The following EEF2K variants were observed in gnomAD, a reference collection of about 807,000 sequenced individuals.
EEF2K encodes the protein eukaryotic elongation factor 2 kinase.
A neutral mutation model predicts 93.8 loss-of-function variants in EEF2K; 70 were observed. That is an observed-to-expected ratio of 0.75 (90% CI 0.62 to 0.91). The LOEUF (loss-of-function observed/expected upper bound fraction) is 0.91, where lower values mean the gene tolerates loss of function less well. Ranked by LOEUF, EEF2K falls within the 40% of genes least tolerant of loss-of-function variation. The pLI, the probability that EEF2K is intolerant of heterozygous loss-of-function variation, is 0.00. For synonymous variants in EEF2K, 376 were observed against 380.8 expected (o/e 0.99, Z 0.15); for missense variants, 935 against 972.9 (o/e 0.96, Z 0.52).
chr16:22,221,843 G>A (rs529128871), intron 1 of EEF2K, among the ~76,000 whole-genome samples: 1 of 152,304 alleles, frequency 6.6e-6, no homozygotes, highest in East Asian at 1.9e-4. Context: ...GCCAAGACGG[G>A]CAGATCACTT....
At chr16:22,249,799 G>A (rs754416388) in intron 4 of EEF2K, among the ~76,000 whole-genome samples, 2 of 150,852 alleles carry the variant, frequency 1.3e-5, no homozygotes, top group Non-Finnish European at 3.0e-5. Flanking sequence ...TTTTTTTTTG[G>A]AGATAGAGTT....
At chr16:22,243,758 C>T (rs570089933) in intron 2 of EEF2K, among the ~76,000 whole-genome samples, 2 of 149,548 alleles carry the variant, frequency 1.3e-5, no homozygotes, top group East Asian at 4.0e-4. Flanking sequence ...CCCGTCTCTA[C>T]CAAAAAGTAC....
intron 6 of EEF2K, among the ~76,000 whole-genome samples, chr16:22,253,906 C>A (rs1260200118): frequency 1.3e-5 from 2 of 152,010 alleles, no homozygotes; most frequent in East Asian, 3.9e-4. Flanking sequence ...CGAGACCAGC[C>A]TGGCCAACAT....
chr16:22,211,027 C>G (rs748645639), intron 1 of EEF2K, among the ~76,000 whole-genome samples: 1 of 152,138 alleles, frequency 6.6e-6, no homozygotes, highest in Non-Finnish European at 1.5e-5. Flanking sequence ...TTTCATTGGC[C>G]AGAATGCAGT....
Position 22,260,492 on chromosome 16 carries a change from T to C in EEF2K, c.1262T>C (p.Met421Thr), listed in dbSNP as rs1033326377. The change falls in exon 11 of 18, where the codon ATG becomes ACG. Residue 421 changes from methionine (M) to threonine (T), a missense_variant. By Grantham distance (81) the Met-to-Thr change is moderately conservative. Coordinates refer to ENST00000263026, the MANE Select transcript of EEF2K (RefSeq NM_013302.5). ...HWPVFSDLDN[M>T]ASRDHDHLDN... is the part of the protein sequence containing the mutation. ...CCAGTGTTCAGTGACCTCGATAACA[T>C]GGCATCCAGAGACCATGATCATCTA... The C allele has an allele frequency of 6.2e-7, 1 of 1,614,102 alleles. No homozygotes were observed. Among genetic ancestry groups the C allele is most frequent in the African/African-American group, 1.3e-5 (1 of 75,020 alleles).
intron 1 of EEF2K, among the ~76,000 whole-genome samples, chr16:22,210,699 G>C (rs1279865200): frequency 2.0e-5 from 3 of 152,112 alleles, no homozygotes; most frequent in Non-Finnish European, 4.4e-5. Context: ...TAACTCCTGG[G>C]GTTCAGGGGA....
At chr16:22,278,674 CCTT>C (rs1409831252) in intron 16 of EEF2K, among the ~76,000 whole-genome samples, 1 of 152,162 alleles carries the variant, frequency 6.6e-6, no homozygotes, top group Non-Finnish European at 1.5e-5. Context: ...GACCCACAGG[CCTT>C]CTTACCTGTG....
intron 11 of EEF2K, among the ~76,000 whole-genome samples, 164 bp from the exon 12 acceptor site, chr16:22,262,946 G>C (rs1433172667): frequency 6.6e-6 from 1 of 152,134 alleles, no homozygotes; most frequent in African/African-American, 2.4e-5. Context: ...CAAAGTGCTG[G>C]GATTACAGGC....
Position 22,217,228 on chromosome 16 carries a change from T to TAGAGAGAGAG in EEF2K, c.-76-8414_-76-8405dup, listed in dbSNP as rs146522060. Among the ~76,000 whole-genome samples the TAGAGAGAGAG allele has an allele frequency of 4.4e-5, 6 of 136,072 alleles. No homozygotes were observed. In the East Asian group the frequency reaches 6.5e-4, roughly 15 times the overall value. The allele number at this position is 136,072 out of a possible 152,430, so 89.3% of individuals were successfully genotyped here. On this transcript the variant is annotated intron_variant, in intron 1 of 17. Coordinates refer to ENST00000263026, the MANE Select transcript of EEF2K (RefSeq NM_013302.5). Reference sequence around the variant, plus strand: ...TTAGTGATATATATAGATAGATAGATAGAGAGAGAGAGAGAGAGAGATGCG... The same window carrying TAGAGAGAGAG: ...TTAGTGATATATATAGATAGATAGATAGAGAGAGAGAGAGAGAGAGAGAGAGAGAGATGCG...
chr16:22,220,443 C>CT (rs10635872), intron 1 of EEF2K, among the ~76,000 whole-genome samples: 14,079 of 149,722 alleles, frequency 0.094, 902 homozygotes, highest in East Asian at 0.29. Flanking sequence ...TCTGAGCGTG[C>CT]TTTTTTTTTT....
At chr16:22,251,466 G>C in intron 6 of EEF2K, 144 bp downstream of exon 6, 1 of 1,138,994 alleles carries the variant, frequency 8.8e-7, no homozygotes, top group Non-Finnish European at 1.2e-6. Context: ...CACCACCAAG[G>C]CTGGAGTGCA....
Position 22,212,974 on chromosome 16 carries a change from A to C in EEF2K, c.-77+6295A>C, listed in dbSNP as rs536786062. On this transcript the variant is annotated intron_variant, in intron 1 of 17. Transcript: ENST00000263026. ...GGATGAGAGATCAAGACACCCACCCAGTCTCTTAAAAAAGAAAGAAAGAGG... is the reference window on the plus strand; with the variant it reads ...GGATGAGAGATCAAGACACCCACCCCGTCTCTTAAAAAAGAAAGAAAGAGG... Among the ~76,000 whole-genome samples, 246 of 152,026 alleles carry C rather than the reference A, an allele frequency of 1.6e-3. 1 individual carries two copies. Among genetic ancestry groups the C allele is most frequent in the Middle Eastern group, 0.01 (3 of 294 alleles).
At chr16:22,249,305 A>G (rs1427537053) in intron 4 of EEF2K, among the ~76,000 whole-genome samples, 2 of 152,168 alleles carry the variant, frequency 1.3e-5, no homozygotes, top group East Asian at 3.9e-4. Context: ...TTGAAGAAAA[A>G]AAAAAAAAGA....
At position 22,283,885 on chromosome 16, in the gene EEF2K, A is replaced by G. The variant is rs912889395; in HGVS notation, c.2069-2A>G. The G allele has an allele frequency of 2.5e-6, 4 of 1,587,582 alleles. No individual in the cohort carries two copies. The highest frequency in any genetic ancestry group is 3.4e-6 in the Non-Finnish European group (4 of 1,166,936). Reference sequence around the variant, plus strand: ...TTTTTGCCCCCCTTTGCTGTCTTTCAGGGGACTTGTATACCCAGGCAGCAG... The same window carrying G: ...TTTTTGCCCCCCTTTGCTGTCTTTCGGGGGACTTGTATACCCAGGCAGCAG... On this transcript the variant is annotated splice_acceptor_variant, in intron 17 of 17. Transcript: ENST00000263026. LOFTEE classifies it high-confidence loss of function.
At chr16:22,224,574 C>G (rs147799050) in intron 1 of EEF2K, among the ~76,000 whole-genome samples, 3 of 151,626 alleles carry the variant, frequency 2.0e-5, no homozygotes, top group African/African-American at 7.3e-5. Context: ...CAAGCAGTGA[C>G]CTAGGTGAGC....
At chr16:22,242,131 G>C (rs1288946350) in intron 2 of EEF2K, among the ~76,000 whole-genome samples, 2 of 152,098 alleles carry the variant, frequency 1.3e-5, no homozygotes, top group Admixed American at 6.6e-5. Flanking sequence ...ACAACAGAGA[G>C]AGACCTTATT....
Position 22,280,311 on chromosome 16 carries a change from TG to T in EEF2K, c.2005del (p.Ala669ProfsTer36). ...CAGGACGAGCCCCGGTACATGATGC[TG>T]GCCAGGGAGGCCGAGATGCTGTTCA... is the stretch of plus-strand genomic sequence containing the variant. ...GMQDEPRYMM[L>X]AREAEMLFTG... On this transcript the variant is annotated frameshift_variant, in exon 17 of 18. Coordinates refer to ENST00000263026, the MANE Select transcript of EEF2K (RefSeq NM_013302.5). LOFTEE classifies it high-confidence loss of function. The T allele has an allele frequency of 6.2e-7, 1 of 1,608,220 alleles. No individual in the cohort carries two copies. Among genetic ancestry groups the T allele is most frequent in the Non-Finnish European group, 8.5e-7 (1 of 1,177,328 alleles).
intron 2 of EEF2K, among the ~76,000 whole-genome samples, chr16:22,226,517 C>CTTTTT (rs553013823): frequency 0.094 from 10,019 of 106,726 alleles, 1,100 homozygotes; most frequent in East Asian, 0.56. Flanking sequence ...CCTTCTTCTT[C>CTTTTT]TTTTTTTTTT....
chr16:22,237,236 C>T (rs139506735), intron 2 of EEF2K, among the ~76,000 whole-genome samples: 1,935 of 152,016 alleles, frequency 0.013, 25 homozygotes, highest in Non-Finnish European at 0.02. Flanking sequence ...TGAGCCACCA[C>T]ACCCGGCCCA....
Sources: allele counts gnomAD v4.1 joint callset (sites outside exome capture counted in the v4.1 genomes callset), GRCh38; gene constraint gnomAD v4.1.1; transcripts MANE v1.5; gene names NCBI Gene and HGNC (gene_info 2026-07-23, HGNC 2026-07-21).